Variants in SIDT2 observed in about 807,000 individuals in gnomAD.
SIDT2 encodes SID1 transmembrane family member 2.
A neutral mutation model predicts 114.4 loss-of-function variants in SIDT2; 68 were observed. That is an observed-to-expected ratio of 0.59 (90% CI 0.49 to 0.73). The LOEUF is 0.73. Among genes scored for constraint, SIDT2 ranks in the 30% least tolerant of loss-of-function variants. The pLI is 0.00. For missense variants in SIDT2, 918 were observed against 1,097.1 expected (o/e 0.84, Z 2.31); for synonymous variants, 470 against 438.4 (o/e 1.07, Z -0.90).
rs1052330558 is a variant in SIDT2 at position 117,188,149 on chromosome 11, C to T, written c.1159+450C>T. 1.3e-5 allele frequency: 5 copies of T among 376,182 alleles called. No homozygotes were observed. Among genetic ancestry groups the T allele is most frequent in the African/African-American group, 8.4e-5 (4 of 47,454 alleles). The allele number at this position is 376,182 out of a possible 1,614,324, so 23.3% of individuals were successfully genotyped here. ...GCTGGCGGGCTGGCGCCTCCGCTCT[C>T]TCCAGGCTGGACAATCTAGTTTATC... On this transcript the variant is annotated intron_variant, in intron 12 of 25. Transcript: ENST00000324225. This position sits in a 1 kb window ranked among gnomAD's most constrained non-coding sequence, Gnocchi z 4.0.
chr11:117,192,565 T>C lies in SIDT2; in HGVS notation c.1982-9T>C, dbSNP rs753928104. Reference sequence around the variant, plus strand: ...CGTGCCTGTCAGCACCACTCCCTTCTCTTCGCAGACTCGGGGATCTTCCGC... The same window carrying C: ...CGTGCCTGTCAGCACCACTCCCTTCCCTTCGCAGACTCGGGGATCTTCCGC... On this transcript the variant is annotated splice_polypyrimidine_tract_variant and intron_variant, in intron 20 of 25. Coordinates refer to ENST00000324225, the MANE Select transcript of SIDT2 (RefSeq NM_001040455.2). The surrounding 1 kb of genome is among the most constrained non-coding windows in gnomAD (Gnocchi z 5.9). 7 of 1,607,830 alleles carry C rather than the reference T, an allele frequency of 4.4e-6. No individual in the cohort carries two copies. The highest frequency in any genetic ancestry group is 5.9e-6 in the Non-Finnish European group (7 of 1,179,982).
intron 15 of SIDT2, 82 bp downstream of exon 15, chr11:117,189,483 G>A: frequency 6.9e-7 from 1 of 1,458,264 alleles, no homozygotes; most frequent in Non-Finnish European, 9.4e-7. Flanking sequence ...TGGGGCCCTG[G>A]TGTTCCATCA....
rs2030141032 is a variant in SIDT2, at chr11:117,179,052, C to T, written c.-212C>T. 1.7e-6 allele frequency: 1 copy of T among 589,612 alleles called. No homozygotes were observed. The highest frequency in any genetic ancestry group is 1.9e-5 in the African/African-American group (1 of 53,438). The allele number at this position is 589,612 out of a possible 1,614,324, so 36.5% of individuals were successfully genotyped here. ...GCCAGCATCCCCTCCCTCCCCGCCC[C>T]CTCCCGGCCGCCCCCTCCCCTGCGG... On this transcript the variant is annotated 5_prime_UTR_variant, in exon 1 of 26. Transcript: ENST00000324225.
chr11:117,196,034 A>G lies in SIDT2; in HGVS notation c.2467A>G (p.Thr823Ala). The change falls in exon 26 of 26, where the codon ACT becomes GCT. Residue 823 changes from threonine (T) to alanine (A), a missense_variant. Thr to Ala is a moderately conservative substitution (Grantham distance 58). Coordinates refer to ENST00000324225, the MANE Select transcript of SIDT2 (RefSeq NM_001040455.2). This position sits in a 1 kb window ranked among gnomAD's most constrained non-coding sequence, Gnocchi z 4.9. ...VLLTLDDDLD[T>A]VQRDKIYVF ...GCTGACACTGGATGACGACCTGGAT[A>G]CTGTGCAGCGGGACAAGATCTATGT... 6.2e-7 allele frequency: 1 copy of G among 1,614,204 alleles called. No homozygotes were observed. Among genetic ancestry groups the G allele is most frequent in the Non-Finnish European group, 8.5e-7 (1 of 1,180,030 alleles).
In SIDT2 at chr11:117,196,106, G is replaced by A. The variant is rs767213747; in HGVS notation, c.*40G>A. The A allele has an allele frequency of 6.2e-6, 10 of 1,613,282 alleles. No homozygotes were observed. The highest frequency in any genetic ancestry group is 8.5e-6 in the Non-Finnish European group (10 of 1,179,728). ...TTCGCTTCACCTCAAGGGGCCCTGA[G>A]CTCCTTTGTGTCATAGACCGGTCAC... On this transcript the variant is annotated 3_prime_UTR_variant, in exon 26 of 26. Coordinates refer to ENST00000324225, the MANE Select transcript of SIDT2 (RefSeq NM_001040455.2). This position sits in a 1 kb window ranked among gnomAD's most constrained non-coding sequence, Gnocchi z 4.9.
chr11:117,192,436 C>T lies in SIDT2; in HGVS notation c.1981+74C>T, dbSNP rs1413108666. On this transcript the variant is annotated intron_variant, in intron 20 of 25. Coordinates refer to ENST00000324225, the MANE Select transcript of SIDT2 (RefSeq NM_001040455.2). The surrounding 1 kb of genome is among the most constrained non-coding windows in gnomAD (Gnocchi z 5.9). The stretch of plus-strand genomic sequence containing the variant: ...TGGGAACCCGGACGCACGGGAGACG[C>T]TCAGGTTCTGTCTTGGGGGCCCTGG... 61 of 1,397,072 alleles carry T rather than the reference C, an allele frequency of 4.4e-5. No individual in the cohort carries two copies. Among genetic ancestry groups the T allele is most frequent in the South Asian group, 1.2e-5 (1 of 86,710 alleles). The allele number at this position is 1,397,072 out of a possible 1,614,324, so 86.5% of individuals were successfully genotyped here.
At position 117,181,698 on chromosome 11, in the gene SIDT2, C is replaced by T. The variant is rs564148337; in HGVS notation, c.306-109C>T. 7.5e-4 allele frequency: 1,174 copies of T among 1,574,790 alleles called. 2 individuals carry two copies. Among genetic ancestry groups the T allele is most frequent in the Non-Finnish European group, 9.6e-4 (1,113 of 1,154,886 alleles). ...CCACCAGCCGGGAGCTTGTGCACCT[C>T]GCAGGGAGGTGGTGGAGACCAGACG... is the stretch of plus-strand genomic sequence containing the variant. On this transcript the variant is annotated intron_variant, in intron 2 of 25. Coordinates refer to ENST00000324225, the MANE Select transcript of SIDT2 (RefSeq NM_001040455.2).
intron 8 of SIDT2, among the ~76,000 whole-genome samples, chr11:117,184,547 GTC>G (rs2030421157): frequency 6.6e-6 from 1 of 152,144 alleles, no homozygotes; most frequent in Non-Finnish European, 1.5e-5. Context: ...CAGTTTCCCT[GTC>G]TCTATAACAG....
intron 23 of SIDT2, 97 bp downstream of exon 23, chr11:117,193,355 TC>T: frequency 9.2e-7 from 1 of 1,090,418 alleles, no homozygotes; most frequent in Non-Finnish European, 1.3e-6. Context: ...AAGTTTTCTG[TC>T]CCATCTTTGC....
chr11:117,187,846 T>C, intron 12 of SIDT2, 147 bp downstream of exon 12: 2 of 780,294 alleles, frequency 2.6e-6, no homozygotes, highest in Non-Finnish European at 2.2e-6. Context: ...CCTCATCCCC[T>C]CCTCCTTGGC....
In SIDT2 at chr11:117,182,535, TC is replaced by T; in HGVS notation, c.536del (p.Pro179LeufsTer7). 6.2e-7 allele frequency: 1 copy of T among 1,614,200 alleles called. No individual in the cohort carries two copies. ...CACCCTCAGTACTTCAAGTATGAGT[TC>T]CCTGAAGGCGTGGACTCGGTAATTG... Reference protein sequence around the residue: ...AAQPQYFKYEFPEGVDSVIVK... With the variant: ...AAQPQYFKYEXPEGVDSVIVK... On this transcript the variant is annotated frameshift_variant, in exon 5 of 26. Coordinates refer to ENST00000324225, the MANE Select transcript of SIDT2 (RefSeq NM_001040455.2). LOFTEE classifies it high-confidence loss of function.
rs1029163454 is a variant in SIDT2 at position 117,179,298 on chromosome 11, T to G, written c.35T>G (p.Leu12Trp). 1 of 1,613,896 alleles carries G rather than the reference T, an allele frequency of 6.2e-7. No individual in the cohort carries two copies. Among genetic ancestry groups the G allele is most frequent in the Non-Finnish European group, 8.5e-7 (1 of 1,179,974 alleles). The part of the protein sequence containing the change: ...FALGLPFLVL[L>W]VASVESHLGV... The stretch of plus-strand genomic sequence containing the variant: ...CTGGGCTTGCCCTTCTTGGTGCTCT[T>G]GGTGGCCTCGGTCGAGAGCCATCTG... Residue 12 changes from leucine (L) to tryptophan (W), a missense_variant, in exon 1 of 26, where the codon TTG becomes TGG. Leu to Trp is a moderately conservative substitution (Grantham distance 61, BLOSUM62 -2). This residue lies in a region of SIDT2 where 553 missense variants were observed against 600.1 expected (regional missense o/e 0.92). Transcript: ENST00000324225.
At chr11:117,193,397 T>G (rs966858689) in intron 23 of SIDT2, 139 bp downstream of exon 23, 22 of 776,132 alleles carry the variant, frequency 2.8e-5, no homozygotes, top group Non-Finnish European at 4.7e-5. Context: ...TAAAGCCTCT[T>G]GCATGGGCCC....
chr11:117,186,026 T>G (rs901636169), intron 8 of SIDT2, 104 bp from the exon 9 acceptor site: 39 of 879,440 alleles, frequency 4.4e-5, no homozygotes, highest in Middle Eastern at 2.7e-4. Context: ...GGGAGAAGGG[T>G]GAGAGATTGA....
chr11:117,195,750 C>T (rs1331023615), intron 24 of SIDT2, 52 bp from the exon 25 acceptor site: 74 of 1,594,274 alleles, frequency 4.6e-5, no homozygotes, highest in Non-Finnish European at 5.8e-5. Context: ...GGGTCTGGCC[C>T]TTGCCCTGCC....
At position 117,183,730 on chromosome 11, in the gene SIDT2, AATG is replaced by A. The variant is rs377497326; in HGVS notation, c.703-32_703-30del. On this transcript the variant is annotated intron_variant, in intron 6 of 25. Coordinates refer to ENST00000324225, the MANE Select transcript of SIDT2 (RefSeq NM_001040455.2). Reference sequence around the variant, plus strand: ...GCCCCAGAACAAGTATTTAGAAAAGAATGATGATGATGATGATGAAGAAGATAT... The same window carrying A: ...GCCCCAGAACAAGTATTTAGAAAAGAATGATGATGATGATGAAGAAGATAT... The A allele has an allele frequency of 7.4e-4, 918 of 1,245,258 alleles. 1 individual carries two copies. Among genetic ancestry groups the A allele is most frequent in the Non-Finnish European group, 8.9e-4 (755 of 847,648 alleles). 77.1% of individuals were successfully genotyped at this position (1,245,258 alleles called of 1,614,324 possible).
At position 117,183,729 on chromosome 11, in the gene SIDT2, G is replaced by GA. The variant is rs764579551; in HGVS notation, c.703-48dup. The GA allele has an allele frequency of 2.6e-5, 32 of 1,252,606 alleles. 1 individual carries two copies. The African/African-American group carries it at 4.4e-4, about 17-fold the overall frequency. The allele number at this position is 1,252,606 out of a possible 1,614,324, so 77.6% of individuals were successfully genotyped here. ...GGCCCCAGAACAAGTATTTAGAAAA[G>GA]AATGATGATGATGATGATGAAGAAG... On this transcript the variant is annotated intron_variant, in intron 6 of 25. Coordinates refer to ENST00000324225, the MANE Select transcript of SIDT2 (RefSeq NM_001040455.2).
chr11:117,185,986 A>T, intron 8 of SIDT2, 144 bp from the exon 9 acceptor site: 1 of 632,832 alleles, frequency 1.6e-6, no homozygotes, highest in East Asian at 2.8e-5. Flanking sequence ...CCAGTTGTTC[A>T]TACTGGCTAG....
In SIDT2 at chr11:117,190,828, G is replaced by A. The variant is rs538179152; in HGVS notation, c.1735+88G>A. On this transcript the variant is annotated intron_variant, in intron 18 of 25. Transcript: ENST00000324225. The surrounding 1 kb of genome is among the most constrained non-coding windows in gnomAD (Gnocchi z 4.1). ...TATCCCCAAGTCACCCACAGGGATCGCTAAGACACCCCTGTAGGAAACTCC... is the reference window on the plus strand; with the variant it reads ...TATCCCCAAGTCACCCACAGGGATCACTAAGACACCCCTGTAGGAAACTCC... The A allele has an allele frequency of 1.6e-5, 17 of 1,040,744 alleles. No individual in the cohort carries two copies. Among genetic ancestry groups the A allele is most frequent in the African/African-American group, 3.1e-5 (2 of 64,084 alleles). 64.5% of individuals were successfully genotyped at this position (1,040,744 alleles called of 1,614,324 possible).
Sources: allele counts gnomAD v4.1 joint callset (sites outside exome capture counted in the v4.1 genomes callset), GRCh38; gene constraint gnomAD v4.1.1; regional missense constraint gnomAD v4.1.1; non-coding constraint Gnocchi (gnomAD v3.1); transcripts MANE v1.5; gene names NCBI Gene and HGNC (gene_info 2026-07-23, HGNC 2026-07-21).